The following B4GALNT4 variants were observed in gnomAD, a reference collection of about 807,000 sequenced individuals.
The protein encoded by B4GALNT4 is beta-1,4-N-acetyl-galactosaminyltransferase 4, also known as N-acetyl-beta-glucosaminyl-glycoprotein 4-beta-N-acetylgalactosaminyltransferase 1.
A neutral mutation model predicts 110.0 loss-of-function variants in B4GALNT4; 77 were observed. That is an observed-to-expected ratio of 0.70 (90% CI 0.58 to 0.85). The LOEUF is 0.85. Ranked by LOEUF, B4GALNT4 falls within the 40% of genes least tolerant of loss-of-function variation. B4GALNT4 has a pLI of 0.00. For missense variants in B4GALNT4, 1,575 were observed against 1,506.0 expected, an observed-to-expected ratio of 1.05 and a Z score of -0.76; for synonymous variants, 785 against 655.5, an observed-to-expected ratio of 1.20 and a Z score of -3.02.
Position 369,844 on chromosome 11 carries a change from A to AGCTGCT in B4GALNT4, c.61_66dup (p.Leu21_Leu22dup), listed in dbSNP as rs760432344. 1.1e-5 allele frequency: 11 copies of AGCTGCT among 990,362 alleles called. No homozygotes were observed. Among genetic ancestry groups the AGCTGCT allele is most frequent in the South Asian group, 8.9e-5 (2 of 22,362 alleles). The allele number at this position is 990,362 out of a possible 1,614,324, so 61.3% of individuals were successfully genotyped here. ...GTGAAGAAGATCCGTAAGCAGATGA[A>AGCTGCT]GCTGCTGCTGCTGCTGCTGCTGCTG... On this transcript the variant is annotated inframe_insertion, in exon 1 of 20. Coordinates refer to ENST00000329962, the MANE Select transcript of B4GALNT4 (RefSeq NM_178537.5).
Position 375,944 on chromosome 11 carries a change from G to A in B4GALNT4, c.1083G>A (p.Gln361=), listed in dbSNP as rs1846737630. ...VVKDFPIARY[Q]GLQFVYLSFV... ...AGGACTTCCCGATCGCCAGATACCA[G>A]GGCCTGCAATTTGTGAGTGCGGCTG... Residue 361 remains glutamine, a synonymous_variant, in exon 11 of 20, where the codon CAG becomes CAA. Transcript: ENST00000329962. The A allele has an allele frequency of 2.5e-6, 4 of 1,611,808 alleles. No individual in the cohort carries two copies. The highest frequency in any genetic ancestry group is 3.4e-6 in the Non-Finnish European group (4 of 1,179,480).
intron 14 of B4GALNT4, among the ~76,000 whole-genome samples, chr11:377,741 C>T (rs1240134906): frequency 2.0e-5 from 3 of 152,256 alleles, no homozygotes; most frequent in African/African-American, 7.2e-5. Context: ...ACCCCTGGGC[C>T]CCTCCTCCTC....
At chr11:375,315 C>T (rs1358676263) in intron 8 of B4GALNT4, 146 bp from the exon 9 acceptor site, 7 of 819,898 alleles carry the variant, frequency 8.5e-6, no homozygotes, top group South Asian at 3.0e-5. Context: ...CTTCTTGGAA[C>T]GCCCCGGACC....
intron 1 of B4GALNT4, among the ~76,000 whole-genome samples, chr11:371,482 G>C (rs1395838738): frequency 6.6e-6 from 1 of 152,180 alleles, no homozygotes; most frequent in Admixed American, 6.5e-5. Context: ...CATCTGTAGG[G>C]ATGCTTCTCT....
At chr11:369,999 CGGG>C (rs1253790870) in intron 1 of B4GALNT4, 45 bp downstream of exon 1, 1 of 54,216 alleles carries the variant, frequency 1.8e-5, no homozygotes, top group Non-Finnish European at 3.4e-5. Context: ...GGGGGCGGCG[CGGG>C]GGGCGCGGGG....
chr11:373,389 G>A (rs1846656270), intron 6 of B4GALNT4, 60 bp from the exon 7 acceptor site: 1 of 1,534,798 alleles, frequency 6.5e-7, no homozygotes, highest in Non-Finnish European at 8.9e-7. Flanking sequence ...TGGGTTTGGT[G>A]TCCCCAGGGA....
At position 375,479 on chromosome 11, in the gene B4GALNT4, G is replaced by C. The variant is rs373182379; in HGVS notation, c.802G>C (p.Gly268Arg). The change falls in exon 9 of 20, where the codon GGC (glycine) becomes CGC (arginine). Residue 268 changes from glycine to arginine, a missense_variant. Physicochemically the swap from Gly to Arg is moderately radical, Grantham distance 125 (BLOSUM62 -2). Transcript: ENST00000329962. ...VEVGWRAFLPGLKFEVISSAH... is the reference protein window; with the variant it reads ...VEVGWRAFLPRLKFEVISSAH... ...CCCGCAGTGGCGAGCTTTCCTGCCC[G>C]GCCTGAAGTTCGAGGTCATCAGCTC... The C allele has an allele frequency of 3.7e-6, 6 of 1,611,680 alleles. No individual in the cohort carries two copies. In the East Asian group the frequency reaches 1.3e-4, roughly 36 times the overall value.
Position 381,985 on chromosome 11 carries a change from G to A in B4GALNT4, c.*193G>A. 1 of 549,016 alleles carries A rather than the reference G, an allele frequency of 1.8e-6. No individual in the cohort carries two copies. Among genetic ancestry groups the A allele is most frequent in the Non-Finnish European group, 2.9e-6 (1 of 339,244 alleles). The allele number at this position is 549,016 out of a possible 1,614,324, so 34.0% of individuals were successfully genotyped here. A position where few individuals can be genotyped will look rare whatever the true frequency, so the allele number is the denominator to read the frequency against. On this transcript the variant is annotated 3_prime_UTR_variant, in exon 20 of 20. Coordinates refer to ENST00000329962, the MANE Select transcript of B4GALNT4 (RefSeq NM_178537.5). ...CAGCCTTCACGGCGGGTCAGGGCCTGGCCTTGGTCCCCACTCTGCGATGAT... is the reference window on the plus strand; with the variant it reads ...CAGCCTTCACGGCGGGTCAGGGCCTAGCCTTGGTCCCCACTCTGCGATGAT...
chr11:378,094 G>T (rs1282649142), intron 14 of B4GALNT4, among the ~76,000 whole-genome samples: 2 of 152,172 alleles, frequency 1.3e-5, no homozygotes, highest in East Asian at 3.9e-4. Context: ...AAAGCCAGGG[G>T]CAGAGGATGG....
intron 17 of B4GALNT4, 28 bp downstream of exon 17, chr11:380,230 G>A (rs1846845672): frequency 6.2e-7 from 1 of 1,605,822 alleles, no homozygotes; most frequent in South Asian, 1.1e-5. Flanking sequence ...GGGTCGGGGA[G>A]CAAAACGGGG....
chr11:376,222 C>A, intron 12 of B4GALNT4, 29 bp from the exon 13 acceptor site: 1 of 1,599,808 alleles, frequency 6.3e-7, no homozygotes, highest in Non-Finnish European at 8.5e-7. Flanking sequence ...CGGGGCGGGA[C>A]TCGGCTCTGA....
At chr11:377,698 G>A (rs957064984) in intron 14 of B4GALNT4, among the ~76,000 whole-genome samples, 1 of 152,352 alleles carries the variant, frequency 6.6e-6, no homozygotes, top group Admixed American at 6.5e-5. Context: ...ATTCCGGGGG[G>A]GCCAGGCAGA....
chr11:379,891 A>T lies in B4GALNT4; in HGVS notation c.2514A>T (p.Ala838=), dbSNP rs775014289. 2 of 1,603,522 alleles carry T rather than the reference A, an allele frequency of 1.2e-6. No individual in the cohort carries two copies. The highest frequency in any genetic ancestry group is 3.4e-5 in the Admixed American group (2 of 59,420). The part of the protein sequence containing the change: ...VPVKNQARWV[A]QFLADMAALH... Reference sequence around the variant, plus strand: ...TGAAAAACCAGGCACGGTGGGTGGCACAGTTCCTGGCGGACATGGCTGCGC... The same window carrying T: ...TGAAAAACCAGGCACGGTGGGTGGCTCAGTTCCTGGCGGACATGGCTGCGC... The change falls in exon 16 of 20, where the codon GCA becomes GCT. Residue 838 remains alanine (A), a synonymous_variant. Coordinates refer to ENST00000329962, the MANE Select transcript of B4GALNT4 (RefSeq NM_178537.5).
chr11:372,638 CCT>C (rs1157704278), intron 2 of B4GALNT4, 22 bp from the exon 3 acceptor site: 3 of 1,600,022 alleles, frequency 1.9e-6, no homozygotes, highest in Non-Finnish European at 1.7e-6. Flanking sequence ...CAACCCTGAC[CCT>C]GTTGCCTTTT....
chr11:379,888 G>T lies in B4GALNT4; in HGVS notation c.2511G>T (p.Val837=). ...CAGTGAAAAACCAGGCACGGTGGGT[G>T]GCACAGTTCCTGGCGGACATGGCTG... is the stretch of plus-strand genomic sequence containing the variant. ...IVPVKNQARW[V]AQFLADMAAL... The change falls in exon 16 of 20, where the codon GTG becomes GTT. Residue 837 remains valine (V), a synonymous_variant. Coordinates refer to ENST00000329962, the MANE Select transcript of B4GALNT4 (RefSeq NM_178537.5). The T allele has an allele frequency of 6.2e-7, 1 of 1,604,694 alleles. No homozygotes were observed. The highest frequency in any genetic ancestry group is 8.5e-7 in the Non-Finnish European group (1 of 1,176,596).
chr11:376,551 G>A lies in B4GALNT4; in HGVS notation c.1428G>A (p.Pro476=), dbSNP rs1265200056. The change falls in exon 14 of 20, where the codon CCG becomes CCA. Residue 476 remains proline, a synonymous_variant. Transcript: ENST00000329962. ...APAQPGATLA[P]PTPPRPRDGG... is the part of the protein sequence containing the mutation. ...CCCAGCCCGGAGCCACCCTCGCCCCGCCGACCCCTCCCCGCCCCCGGGACG... is the reference window on the plus strand; with the variant it reads ...CCCAGCCCGGAGCCACCCTCGCCCCACCGACCCCTCCCCGCCCCCGGGACG... 3.7e-6 allele frequency: 4 copies of A among 1,072,414 alleles called. No homozygotes were observed. The highest frequency in any genetic ancestry group is 1.8e-5 in the South Asian group (1 of 54,894). 66.4% of individuals were successfully genotyped at this position (1,072,414 alleles called of 1,614,324 possible).
Position 375,975 on chromosome 11 carries a change from C to A in B4GALNT4, c.1095+19C>A, listed in dbSNP as rs761559491. ...GCAATTTGTGAGTGCGGCTGGAGAC[C>A]CCGTCTCCCGTCCGGGACTCCGCGG... On this transcript the variant is annotated intron_variant, in intron 11 of 19. Transcript: ENST00000329962. 14 of 1,607,268 alleles carry A rather than the reference C, an allele frequency of 8.7e-6. No homozygotes were observed. The African/African-American group carries it at 9.4e-5, about 11-fold the overall frequency.
chr11:381,851 C>T lies in B4GALNT4; in HGVS notation c.*59C>T. ...CCCGAGGCAGCTGCTGGGGGCTGGGCTTTGAGCTCGGTCCCGAGAGACCCG... is the reference window on the plus strand; with the variant it reads ...CCCGAGGCAGCTGCTGGGGGCTGGGTTTTGAGCTCGGTCCCGAGAGACCCG... On this transcript the variant is annotated 3_prime_UTR_variant, in exon 20 of 20. Transcript: ENST00000329962. The T allele has an allele frequency of 6.7e-7, 1 of 1,492,286 alleles. No homozygotes were observed. The highest frequency in any genetic ancestry group is 8.9e-7 in the Non-Finnish European group (1 of 1,122,326). 92.4% of individuals were successfully genotyped at this position (1,492,286 alleles called of 1,614,324 possible). A position where few individuals can be genotyped will look rare whatever the true frequency, so the allele number is the denominator to read the frequency against.
chr11:376,929 C>A lies in B4GALNT4; in HGVS notation c.1806C>A (p.Gly602=). ...RAQATQGGRE[G]QARTLGPAAP... ...AGGCCACCCAAGGGGGCCGGGAGGG[C>A]CAGGCGCGCACGCTGGGACCTGCGG... The change falls in exon 14 of 20, where the codon GGC becomes GGA. Residue 602 remains glycine (G), a synonymous_variant. Coordinates refer to ENST00000329962, the MANE Select transcript of B4GALNT4 (RefSeq NM_178537.5). 4.3e-6 allele frequency: 6 copies of A among 1,410,292 alleles called. No homozygotes were observed. The highest frequency in any genetic ancestry group is 5.5e-6 in the Non-Finnish European group (6 of 1,086,164). The allele number at this position is 1,410,292 out of a possible 1,614,324, so 87.4% of individuals were successfully genotyped here. A position where few individuals can be genotyped will look rare whatever the true frequency, so the allele number is the denominator to read the frequency against.
Sources: allele counts gnomAD v4.1 joint callset (sites outside exome capture counted in the v4.1 genomes callset), GRCh38; gene constraint gnomAD v4.1.1; transcripts MANE v1.5; gene names NCBI Gene and HGNC (gene_info 2026-07-23, HGNC 2026-07-21).